The following AARS1 variants were observed in gnomAD, a reference collection of about 807,000 sequenced individuals.
AARS1 encodes alanyl-tRNA synthetase 1.
Under a neutral mutation model 108.9 loss-of-function variants are expected in AARS1, and 72 were observed. The observed-to-expected ratio is 0.66, with a 90% CI of 0.55 to 0.80. The LOEUF (loss-of-function observed/expected upper bound fraction) is 0.80, where lower values mean the gene tolerates loss of function less well. Among genes scored for constraint, AARS1 ranks in the 30% least tolerant of loss-of-function variants. The pLI, the probability that AARS1 is intolerant of heterozygous loss-of-function variation, is 0.00. For missense variants in AARS1, 1,193 were observed against 1,233.2 expected, an observed-to-expected ratio of 0.97 and a Z score of 0.49; for synonymous variants, 489 against 465.7, an observed-to-expected ratio of 1.05 and a Z score of -0.64.
chr16:70,265,307 ACC>A, intron 10 of AARS1: 1 of 912,516 alleles, frequency 1.1e-6, no homozygotes, highest in Non-Finnish European at 1.7e-6. Context: ...CCTGGCCTCT[ACC>A]AAGTACGTGA....
At chr16:70,254,238 T>G (rs1196576803) in intron 17 of AARS1, among the ~76,000 whole-genome samples, 200 bp from the exon 18 acceptor site, 5 of 152,214 alleles carry the variant, frequency 3.3e-5, no homozygotes, top group Non-Finnish European at 7.3e-5. Flanking sequence ...AGCAGAAAGC[T>G]GGGCTCCCAA....
At position 70,275,030 on chromosome 16, in the gene AARS1, C is replaced by T. The variant is rs192850190; in HGVS notation, c.479+1456G>A. On this transcript the variant is annotated intron_variant, in intron 4 of 20. Transcript: ENST00000261772. Reference sequence around the variant, plus strand: ...ATCCTAGCACTTTGGGAGGCCAAAGCGGGTGGATCACCTGAAGTCAGGAGT... The same window carrying T: ...ATCCTAGCACTTTGGGAGGCCAAAGTGGGTGGATCACCTGAAGTCAGGAGT... Among the ~76,000 whole-genome samples the T allele has an allele frequency of 2.9e-3, 442 of 151,946 alleles. 4 individuals carry two copies. Among genetic ancestry groups the T allele is most frequent in the African/African-American group, 0.01 (416 of 41,452 alleles).
intron 6 of AARS1, 140 bp downstream of exon 6, chr16:70,270,056 T>A: frequency 9.0e-7 from 1 of 1,106,666 alleles, no homozygotes; most frequent in Non-Finnish European, 1.4e-6. Context: ...AGCCTCACAT[T>A]ATTAACAATG....
chr16:70,265,705 C>T, intron 9 of AARS1, 43 bp from the exon 10 acceptor site: 2 of 1,610,048 alleles, frequency 1.2e-6, no homozygotes, highest in Non-Finnish European at 8.5e-7. Context: ...ACAGACAGCC[C>T]CTTTTCCATG....
Position 70,270,182 on chromosome 16 carries a change from A to T in AARS1, c.816+14T>A. On this transcript the variant is annotated intron_variant, in intron 6 of 20. Coordinates refer to ENST00000261772, the MANE Select transcript of AARS1 (RefSeq NM_001605.3). ...CTCCACAGAAGTTTACAATGTTTGCAATAGCACCAGTACCTTCTGAATGGC... is the reference window on the plus strand; with the variant it reads ...CTCCACAGAAGTTTACAATGTTTGCTATAGCACCAGTACCTTCTGAATGGC... 1 of 1,614,074 alleles carries T rather than the reference A, an allele frequency of 6.2e-7. No individual in the cohort carries two copies. The highest frequency in any genetic ancestry group is 8.5e-7 in the Non-Finnish European group (1 of 1,179,922).
intron 9 of AARS1, among the ~76,000 whole-genome samples, chr16:70,266,090 G>C (rs1479299261): frequency 6.6e-6 from 1 of 152,112 alleles, no homozygotes; most frequent in East Asian, 1.9e-4. Context: ...GAGGCGGGCG[G>C]ATCAGGAGGT....
At chr16:70,287,945 A>T (rs1194031115) in intron 1 of AARS1, among the ~76,000 whole-genome samples, 1 of 151,284 alleles carries the variant, frequency 6.6e-6, no homozygotes, top group Non-Finnish European at 1.5e-5. Context: ...TTGTATTTTT[A>T]GTAGAGACGG....
chr16:70,261,591 C>G (rs1198064456), intron 12 of AARS1, among the ~76,000 whole-genome samples: 1 of 140,076 alleles, frequency 7.1e-6, no homozygotes, highest in Non-Finnish European at 1.5e-5. Context: ...GAGCGAGACT[C>G]CATCTCAAAA....
intron 12 of AARS1, chr16:70,261,413 T>C (rs1445844645): frequency 2.8e-6 from 1 of 353,700 alleles, no homozygotes; most frequent in Non-Finnish European, 5.5e-6. Context: ...TTGGCCAACA[T>C]GGTGAAATCC....
chr16:70,253,528 C>G, intron 19 of AARS1, 147 bp from the exon 20 acceptor site: 1 of 1,012,842 alleles, frequency 9.9e-7, no homozygotes, highest in South Asian at 1.4e-5. Flanking sequence ...AGGACCCCAG[C>G]GCCGGGCCCT....
At position 70,258,081 on chromosome 16, in the gene AARS1, G is replaced by T; in HGVS notation, c.2129C>A (p.Pro710His). The T allele has an allele frequency of 6.2e-7, 1 of 1,614,104 alleles. No individual in the cohort carries two copies. Among genetic ancestry groups the T allele is most frequent in the Non-Finnish European group, 8.5e-7 (1 of 1,180,024 alleles). The change falls in exon 15 of 21, where the codon CCC becomes CAC. Residue 710 changes from proline (P) to histidine (H), a missense_variant. By Grantham distance (77) the Pro-to-His change is moderately conservative. Coordinates refer to ENST00000261772, the MANE Select transcript of AARS1 (RefSeq NM_001605.3). The stretch of plus-strand genomic sequence containing the variant: ...AGTCAGGGAGCCAGCAGGCCCAGAG[G>T]GGTCATCCAGCAACTCGGACACCGG... Reference protein sequence around the residue: ...GVPVSELLDDPSGPAGSLTSV... With the variant: ...GVPVSELLDDHSGPAGSLTSV...
At position 70,262,427 on chromosome 16, in the gene AARS1, G is replaced by C; in HGVS notation, c.1590C>G (p.Asp530Glu). 1 of 1,614,186 alleles carries C rather than the reference G, an allele frequency of 6.2e-7. No individual in the cohort carries two copies. Among genetic ancestry groups the C allele is most frequent in the Middle Eastern group, 1.6e-4 (1 of 6,062 alleles). The change falls in exon 12 of 21, where the codon GAC becomes GAG. Residue 530 changes from aspartate to glutamate, a missense_variant. By Grantham distance (45) the Asp-to-Glu change is conservative. Coordinates refer to ENST00000261772, the MANE Select transcript of AARS1 (RefSeq NM_001605.3). ...STGQECGVVL[D>E]KTCFYAEQGG... The stretch of plus-strand genomic sequence containing the variant: ...CTTGCTCAGCATAGAAACAGGTCTT[G>C]TCCAGCACCACTCCACACTCCTGGC...
chr16:70,255,194 ATTTTTTTTTTTTTT>A (rs946837808), intron 16 of AARS1, among the ~76,000 whole-genome samples: 33 of 104,276 alleles, frequency 3.2e-4, no homozygotes, highest in African/African-American at 1.1e-3. Context: ...CCAGATTCAC[ATTTTTTTTTTTTTT>A]TTTTTTTTGG....
chr16:70,279,486 C>G (rs536538944), intron 2 of AARS1, among the ~76,000 whole-genome samples: 17 of 151,268 alleles, frequency 1.1e-4, no homozygotes, highest in Admixed American at 9.2e-4. Context: ...GTGGCGAAAC[C>G]CTGTCTCTAC....
At chr16:70,263,401 G>C (rs548229283) in intron 11 of AARS1, among the ~76,000 whole-genome samples, 1 of 151,974 alleles carries the variant, frequency 6.6e-6, no homozygotes, top group African/African-American at 2.4e-5. Context: ...GTGAAACCCC[G>C]TGTCCACTAC....
chr16:70,279,478 G>A (rs568410213), intron 2 of AARS1, among the ~76,000 whole-genome samples: 5 of 151,530 alleles, frequency 3.3e-5, no homozygotes, highest in South Asian at 4.2e-4. Context: ...TGGCCAACGT[G>A]GCGAAACCCT....
At chr16:70,281,083 G>A (rs1384621339) in intron 2 of AARS1, among the ~76,000 whole-genome samples, 1 of 152,156 alleles carries the variant, frequency 6.6e-6, no homozygotes, top group Non-Finnish European at 1.5e-5. Context: ...ATCTGCCTCG[G>A]CCTCCCAGAG....
At chr16:70,254,468 G>C (rs1409159656) in intron 17 of AARS1, 153 bp downstream of exon 17, 1 of 679,864 alleles carries the variant, frequency 1.5e-6, no homozygotes, top group Admixed American at 2.1e-5. Flanking sequence ...GGATCCATGG[G>C]GTCCCTGCTA....
intron 8 of AARS1, 77 bp downstream of exon 8, chr16:70,268,194 A>G: frequency 7.4e-7 from 1 of 1,351,072 alleles, no homozygotes; most frequent in Non-Finnish European, 1.1e-6. Context: ...AAGCTGCTTA[A>G]CAGTATGCCC....
Sources: allele counts gnomAD v4.1 joint callset (sites outside exome capture counted in the v4.1 genomes callset), GRCh38; gene constraint gnomAD v4.1.1; transcripts MANE v1.5; gene names NCBI Gene and HGNC (gene_info 2026-07-23, HGNC 2026-07-21).